The following ROBO2 variants were observed in gnomAD, a reference collection of about 807,000 sequenced individuals.
ROBO2 encodes roundabout guidance receptor 2.
A neutral mutation model predicts 160.8 loss-of-function variants in ROBO2; 53 were observed. That is an observed-to-expected ratio of 0.33 (90% CI 0.26 to 0.41). ROBO2 has a LOEUF of 0.41. ROBO2 is among the 10% of genes least tolerant of loss of function. ROBO2 has a pLI of 1.00. For missense variants in ROBO2, 1,577 were observed against 1,722.4 expected (o/e 0.92, Z 1.49); for synonymous variants, 664 against 611.7 (o/e 1.09, Z -1.26).
At chr3:76,043,860 T>C (rs573657689) in intron 2 of ROBO2, among the ~76,000 whole-genome samples, 236 of 152,078 alleles carry the variant, frequency 1.6e-3, no homozygotes, top group Non-Finnish European at 2.6e-3. Context: ...ATGTGAAGAT[T>C]GTCTTCGGAT....
At chr3:76,257,461 G>T (rs976579521) in intron 2 of ROBO2, among the ~76,000 whole-genome samples, 29 of 152,252 alleles carry the variant, frequency 1.9e-4, no homozygotes, top group African/African-American at 6.5e-4. Flanking sequence ...ATAAGAGAAT[G>T]GCAGGCACAT....
At chr3:77,442,406 C>G (rs937609355) in intron 2 of ROBO2, among the ~76,000 whole-genome samples, 17 of 152,094 alleles carry the variant, frequency 1.1e-4, no homozygotes, top group African/African-American at 3.9e-4. Flanking sequence ...TTCTGTAAAA[C>G]TATCCTGTTG....
Position 76,119,128 on chromosome 3 carries a change from G to C in ROBO2, c.109+181526G>C, listed in dbSNP as rs550077799. 3.9e-5 allele frequency among the ~76,000 whole-genome samples: 6 copies of C among 152,282 alleles called. No individual in the cohort carries two copies. In the South Asian group the frequency reaches 8.3e-4, roughly 21 times the overall value. ...TGTACACCTGAATGAAACGAGCTGT[G>C]TTAAATTGCTTATGTAAAGTAGGAA... is the stretch of plus-strand genomic sequence containing the variant. On this transcript the variant is annotated intron_variant, in intron 2 of 26. Coordinates refer to the ROBO2 transcript ENST00000487694.
intron 2 of ROBO2, among the ~76,000 whole-genome samples, chr3:77,136,515 G>A (rs1285154863): frequency 7.8e-6 from 1 of 128,140 alleles, no homozygotes; most frequent in Non-Finnish European, 1.6e-5. Flanking sequence ...TTAAGAAATA[G>A]GGTTTTGCTC....
rs529780761 is a variant in ROBO2 at position 76,701,899 on chromosome 3, A to C, written c.110-396115A>C. On this transcript the variant is annotated intron_variant, in intron 2 of 26. Transcript: ENST00000487694. ...TTTTATGTTTAAAGAAGTTGTTCGG[A>C]GAACTGTATGTATTTAGAAATGCCG... Among the ~76,000 whole-genome samples the C allele has an allele frequency of 2.5e-4, 38 of 151,672 alleles. No homozygotes were observed. The East Asian group carries it at 7.4e-3, about 29-fold the overall frequency.
intron 2 of ROBO2, among the ~76,000 whole-genome samples, chr3:76,249,231 C>G (rs910548000): frequency 6.6e-6 from 1 of 152,090 alleles, no homozygotes; most frequent in African/African-American, 2.4e-5. Context: ...AACATCACCA[C>G]CACACAGTAC....
At chr3:77,620,688 A>C (rs2094882496) in intron 22 of ROBO2, among the ~76,000 whole-genome samples, 1 of 152,218 alleles carries the variant, frequency 6.6e-6, no homozygotes, top group African/African-American at 2.4e-5. Context: ...ACATTGAAAC[A>C]TCTAGAATCC....
intron 2 of ROBO2, among the ~76,000 whole-genome samples, chr3:75,998,139 C>T (rs1294943633): frequency 2.6e-5 from 4 of 152,134 alleles, no homozygotes; most frequent in Non-Finnish European, 5.9e-5. Flanking sequence ...AATTAGATTT[C>T]TCTTCTAACC....
At chr3:76,592,281 T>TA (rs2086462443) in intron 2 of ROBO2, among the ~76,000 whole-genome samples, 1 of 152,134 alleles carries the variant, frequency 6.6e-6, no homozygotes, top group Non-Finnish European at 1.5e-5. Context: ...ACAGATAATT[T>TA]ATACTTTTTA....
intron 2 of ROBO2, among the ~76,000 whole-genome samples, chr3:76,776,282 G>A (rs1346594344): frequency 6.6e-6 from 1 of 150,904 alleles, no homozygotes; most frequent in African/African-American, 2.4e-5. Context: ...GCTGATAACT[G>A]ATTGATTTTT....
At chr3:76,310,599 C>T (rs572689043) in intron 2 of ROBO2, among the ~76,000 whole-genome samples, 21 of 152,232 alleles carry the variant, frequency 1.4e-4, no homozygotes, top group African/African-American at 4.8e-4. Context: ...TTGAATGTCA[C>T]GAGGTGAAGT....
At chr3:76,539,503 G>C (rs1020464179) in intron 2 of ROBO2, among the ~76,000 whole-genome samples, 3 of 152,026 alleles carry the variant, frequency 2.0e-5, no homozygotes, top group Non-Finnish European at 2.9e-5. Context: ...AAAAATGTTC[G>C]AGTTGTATTA....
Position 77,161,477 on chromosome 3 carries a change from T to C in ROBO2, c.388+63137T>C, listed in dbSNP as rs527835964. 2.0e-5 allele frequency among the ~76,000 whole-genome samples: 3 copies of C among 152,336 alleles called. No homozygotes were observed. The South Asian group carries it at 6.2e-4, about 32-fold the overall frequency. ...ACACACTCTTAGATGATATTAAAAC[T>C]AAGGTTAAAAGATTTTAAATTATTT... On this transcript the variant is annotated intron_variant, in intron 2 of 25. Coordinates refer to ENST00000461745, the Ensembl canonical transcript of ROBO2.
intron 2 of ROBO2, among the ~76,000 whole-genome samples, chr3:76,343,430 A>G (rs1274066936): frequency 6.6e-6 from 1 of 152,068 alleles, no homozygotes; most frequent in Non-Finnish European, 1.5e-5. Flanking sequence ...TATCTGCATA[A>G]GGTGATTTAT....
intron 2 of ROBO2, among the ~76,000 whole-genome samples, chr3:76,803,642 A>G (rs1381549242): frequency 6.6e-6 from 1 of 152,208 alleles, no homozygotes; most frequent in Admixed American, 6.5e-5. Flanking sequence ...AATTTTATTC[A>G]GGATTACTCA....
chr3:76,192,088 G>A (rs1220564177), intron 2 of ROBO2, among the ~76,000 whole-genome samples: 1 of 151,520 alleles, frequency 6.6e-6, no homozygotes, highest in Non-Finnish European at 1.5e-5. Flanking sequence ...TCCCTAGTTA[G>A]TGCCCTTAGT....
chr3:76,364,457 G>A (rs962244053), intron 2 of ROBO2, among the ~76,000 whole-genome samples: 1 of 151,858 alleles, frequency 6.6e-6, no homozygotes, highest in African/African-American at 2.4e-5. Context: ...CTAAAACCTA[G>A]AATAACGCCT....
intron 2 of ROBO2, among the ~76,000 whole-genome samples, chr3:77,379,731 A>G (rs1369384141): frequency 6.6e-6 from 1 of 152,130 alleles, no homozygotes; most frequent in Non-Finnish European, 1.5e-5. Flanking sequence ...ACTTCACTTC[A>G]ATACACTCCT....
chr3:76,131,180 T>C (rs2071207730), intron 2 of ROBO2, among the ~76,000 whole-genome samples: 2 of 152,210 alleles, frequency 1.3e-5, no homozygotes, highest in South Asian at 4.1e-4. Context: ...CATAAGTGCT[T>C]GAATTATAAC....
Sources: allele counts gnomAD v4.1 joint callset (sites outside exome capture counted in the v4.1 genomes callset), GRCh38; gene constraint gnomAD v4.1.1; transcripts MANE v1.5; gene names NCBI Gene and HGNC (gene_info 2026-07-23, HGNC 2026-07-21).